The following DCDC1 variants were observed in gnomAD, a reference collection of about 807,000 sequenced individuals.
DCDC1 encodes the protein doublecortin domain containing 1.
DCDC1 carries 200 observed loss-of-function variants against 178.3 expected under a neutral mutation model. The ratio of observed to expected loss-of-function variants is 1.12; its 90% CI spans 1.00 to 1.26. The LOEUF (loss-of-function observed/expected upper bound fraction) is 1.26. Among genes scored for constraint, DCDC1 ranks in the 50% most tolerant of loss-of-function variants. The pLI is 0.00. For synonymous variants in DCDC1, 690 were observed against 604.8 expected, an observed-to-expected ratio of 1.14 and a Z score of -2.07; for missense variants, 1,983 against 1,749.2, an observed-to-expected ratio of 1.13 and a Z score of -2.38.
chr11:30,988,789 G>A (rs773469079), intron 20 of DCDC1, among the ~76,000 whole-genome samples: 1 of 152,170 alleles, frequency 6.6e-6, no homozygotes, highest in African/African-American at 2.4e-5. Flanking sequence ...ACATTCAAAG[G>A]CATCGTAGGC....
chr11:31,322,274 A>G (rs938257074), intron 3 of DCDC1, among the ~76,000 whole-genome samples: 5 of 152,230 alleles, frequency 3.3e-5, no homozygotes, highest in Admixed American at 6.5e-5. Context: ...AGAAACAAAC[A>G]CAATTTAAGA....
At chr11:31,103,881 T>C (rs549078423) in intron 13 of DCDC1, 112 bp from the exon 14 acceptor site, 9 of 646,242 alleles carry the variant, frequency 1.4e-5, no homozygotes, top group Non-Finnish European at 2.5e-5. Context: ...AATTCAGAAA[T>C]AAGTGAGTTT....
chr11:31,227,682 A>G (rs778848331), intron 9 of DCDC1, among the ~76,000 whole-genome samples: 2 of 152,148 alleles, frequency 1.3e-5, no homozygotes, highest in Non-Finnish European at 2.9e-5. Context: ...TTAAATGTAA[A>G]TGGTCTAAAC....
Position 30,879,295 on chromosome 11 carries a change from G to A in DCDC1, c.5234-584C>T, listed in dbSNP as rs562662018. ...AGTAGGTCACAGAAACAGCATGAGT[G>A]GAATGATTAAGTAAATGTCCCTTAA... On this transcript the variant is annotated intron_variant, in intron 37 of 38. Coordinates refer to ENST00000684477, the MANE Select transcript of DCDC1 (RefSeq NM_001387274.1). Among the ~76,000 whole-genome samples, 5 of 152,246 alleles carry A rather than the reference G, an allele frequency of 3.3e-5. No individual in the cohort carries two copies. In the East Asian group the frequency reaches 5.8e-4, roughly 18 times the overall value.
At chr11:31,202,296 C>T (rs1035988686) in intron 9 of DCDC1, among the ~76,000 whole-genome samples, 4 of 152,094 alleles carry the variant, frequency 2.6e-5, no homozygotes, top group Non-Finnish European at 5.9e-5. Context: ...GGCGCAATGG[C>T]TCACGCCTGT....
rs750542226 is a variant in DCDC1 at position 31,103,731 on chromosome 11, C to A, written c.1790G>T (p.Arg597Leu). Residue 597 changes from arginine (R) to leucine (L), a missense_variant, in exon 14 of 39, where the codon CGA (arginine) becomes CTA (leucine). Arg to Leu is a moderately radical substitution (Grantham distance 102). Transcript: ENST00000684477. ...LNLALGLTFD[R>L]VSAFARGDIM... ...ATCACCTCTGGCAAATGCACTCACT[C>A]GGTCAAAGGTCAAACCCAAAGCAAG... 1.3e-6 allele frequency: 1 copy of A among 765,522 alleles called. No homozygotes were observed. Among genetic ancestry groups the A allele is most frequent in the African/African-American group, 1.7e-5 (1 of 59,194 alleles). The allele number at this position is 765,522 out of a possible 1,614,324, so 47.4% of individuals were successfully genotyped here.
intron 1 of DCDC1, among the ~76,000 whole-genome samples, chr11:31,341,558 C>T (rs1035564220): frequency 2.6e-5 from 4 of 152,140 alleles, no homozygotes; most frequent in African/African-American, 9.7e-5. Flanking sequence ...CACCTAGCCT[C>T]TATAGTATAG....
chr11:30,973,390 C>T (rs1402069145), intron 20 of DCDC1, among the ~76,000 whole-genome samples: 2 of 151,920 alleles, frequency 1.3e-5, no homozygotes, highest in Admixed American at 6.6e-5. Flanking sequence ...CCTGAGGCAT[C>T]TCCAGAAGCC....
chr11:31,040,619 T>C (rs769228064), intron 20 of DCDC1, among the ~76,000 whole-genome samples: 7 of 152,188 alleles, frequency 4.6e-5, no homozygotes, highest in Non-Finnish European at 8.8e-5. Flanking sequence ...CAAAAGGCGT[T>C]TGCACCAATA....
At chr11:31,207,758 A>G (rs1972036631) in intron 9 of DCDC1, among the ~76,000 whole-genome samples, 1 of 152,086 alleles carries the variant, frequency 6.6e-6, no homozygotes, top group South Asian at 2.1e-4. Context: ...AAAGTTGTCT[A>G]TACTTCCTTT....
chr11:31,227,067 A>G (rs1975066353), intron 9 of DCDC1, among the ~76,000 whole-genome samples: 1 of 152,198 alleles, frequency 6.6e-6, no homozygotes, highest in Non-Finnish European at 1.5e-5. Context: ...AACATCCTAG[A>G]GCAACTACAC....
At chr11:31,304,747 C>T (rs914261027) in intron 6 of DCDC1, among the ~76,000 whole-genome samples, 6 of 152,008 alleles carry the variant, frequency 3.9e-5, no homozygotes, top group South Asian at 2.1e-4. Context: ...ATAGAAGTTG[C>T]AGAAAAAAAT....
At position 31,199,092 on chromosome 11, in the gene DCDC1, T is replaced by C. The variant is rs183321362; in HGVS notation, c.1221+42358A>G. Among the ~76,000 whole-genome samples the C allele has an allele frequency of 1.3e-3, 198 of 152,136 alleles. 1 individual carries two copies. Among genetic ancestry groups the C allele is most frequent in the African/African-American group, 4.6e-3 (193 of 41,548 alleles). On this transcript the variant is annotated intron_variant, in intron 9 of 38. Coordinates refer to ENST00000684477, the MANE Select transcript of DCDC1 (RefSeq NM_001387274.1). ...AATATGATAGCAAATTTCAAAGAAG[T>C]TATTTAACTAAAATCCCAAAATCCA...
intron 24 of DCDC1, among the ~76,000 whole-genome samples, chr11:30,921,142 T>C (rs796630639): frequency 2.6e-5 from 4 of 152,328 alleles, no homozygotes; most frequent in African/African-American, 9.6e-5. Context: ...TACTAAAAAT[T>C]GGTCTTTCCA....
chr11:30,959,884 T>G (rs1218480737), intron 20 of DCDC1, among the ~76,000 whole-genome samples: 1 of 152,150 alleles, frequency 6.6e-6, no homozygotes, highest in Non-Finnish European at 1.5e-5. Context: ...TCCATCACAC[T>G]CCACCTGGTA....
At chr11:30,963,545 C>G (rs1949243469) in intron 20 of DCDC1, among the ~76,000 whole-genome samples, 4 of 152,088 alleles carry the variant, frequency 2.6e-5, no homozygotes, top group Admixed American at 2.6e-4. Flanking sequence ...GCACCACTCA[C>G]AGACCTTACC....
At chr11:31,314,363 T>G (rs547200609) in intron 3 of DCDC1, 1 of 152,308 alleles carries the variant, frequency 6.6e-6, no homozygotes, top group Non-Finnish European at 1.5e-5. Context: ...ACCATTTACT[T>G]CTCCATCCAT....
intron 34 of DCDC1, 107 bp downstream of exon 34, chr11:30,899,434 A>G: frequency 1.9e-6 from 1 of 535,990 alleles, no homozygotes; most frequent in Non-Finnish European, 3.0e-6. Flanking sequence ...ATTGTTTTAT[A>G]TAGTACTCTT....
rs537324876 is a variant in DCDC1 at position 30,946,275 on chromosome 11, C to T, written c.2715+6170G>A. ...CCTGCCTGATCTCTGGTTTTAGCCT[C>T]ATCCTCCTTAAACCTCTGTAGAGAA... On this transcript the variant is annotated intron_variant, in intron 21 of 38. Coordinates refer to ENST00000684477, the MANE Select transcript of DCDC1 (RefSeq NM_001387274.1). Among the ~76,000 whole-genome samples the T allele has an allele frequency of 2.0e-5, 3 of 152,306 alleles. No homozygotes were observed. The East Asian group carries it at 5.8e-4, about 29-fold the overall frequency.
Sources: allele counts gnomAD v4.1 joint callset (sites outside exome capture counted in the v4.1 genomes callset), GRCh38; gene constraint gnomAD v4.1.1; transcripts MANE v1.5; gene names NCBI Gene and HGNC (gene_info 2026-07-23, HGNC 2026-07-21).